ADGRL3: variants seen among roughly 807,000 people sequenced by gnomAD.
ADGRL3 encodes the protein calcium-independent alpha-latrotoxin receptor 3.
A neutral mutation model predicts 153.5 loss-of-function variants in ADGRL3; 62 were observed. The observed-to-expected ratio is 0.40, with a 90% CI of 0.33 to 0.50. The LOEUF is 0.50. Ranked by LOEUF, ADGRL3 falls within the 20% of genes least tolerant of loss-of-function variation. ADGRL3 has a pLI of 0.47. For synonymous variants in ADGRL3, 710 were observed against 672.5 expected (o/e 1.06, Z -0.86); for missense variants, 1,641 against 1,859.4 (o/e 0.88, Z 2.16).
chr4:61,287,700 G>A (rs2093994728), intron 1 of ADGRL3, among the ~76,000 whole-genome samples: 1 of 151,990 alleles, frequency 6.6e-6, no homozygotes, highest in East Asian at 1.9e-4. Context: ...TATTGGGTCT[G>A]ACTGGCTTGA....
chr4:61,645,917 G>A (rs572676175), intron 5 of ADGRL3, among the ~76,000 whole-genome samples: 3 of 152,222 alleles, frequency 2.0e-5, no homozygotes, highest in African/African-American at 7.2e-5. Flanking sequence ...TCACTTTCAG[G>A]TACACCAATC....
intron 11 of ADGRL3, among the ~76,000 whole-genome samples, chr4:61,903,228 C>T (rs1482196898): frequency 6.6e-6 from 1 of 152,112 alleles, no homozygotes; most frequent in East Asian, 1.9e-4. Context: ...CTCAATAGCA[C>T]CCATTAGTAT....
At position 61,694,179 on chromosome 4, in the gene ADGRL3, ATTTTTTT is replaced by A. The variant is rs554084495; in HGVS notation, c.583+17278_583+17284del. 7.8e-3 allele frequency among the ~76,000 whole-genome samples: 208 copies of A among 26,674 alleles called. 3 individuals carry two copies. Among genetic ancestry groups the A allele is most frequent in the East Asian group, 0.071 (36 of 506 alleles). 17.5% of individuals were successfully genotyped at this position (26,674 alleles called of 152,430 possible). On this transcript the variant is annotated intron_variant, in intron 6 of 26. Transcript: ENST00000683033. ...TATACTATTTTAAAATTTTGTCATT[ATTTTTTT>A]TTTTTTTTTTTTTTTTTTTTTTTTT...
chr4:61,776,003 C>T (rs532113770), intron 8 of ADGRL3, among the ~76,000 whole-genome samples: 20 of 152,228 alleles, frequency 1.3e-4, no homozygotes, highest in Admixed American at 1.2e-3. Flanking sequence ...AGGGTTCATG[C>T]CATTCTCCTG....
intron 1 of ADGRL3, among the ~76,000 whole-genome samples, chr4:61,230,345 G>C (rs1298260622): frequency 2.6e-5 from 4 of 152,144 alleles, no homozygotes; most frequent in African/African-American, 9.7e-5. Flanking sequence ...AGATGAAACA[G>C]TGCTTAGTAG....
At chr4:61,995,253 CT>C (rs2099117796) in intron 19 of ADGRL3, among the ~76,000 whole-genome samples, 1 of 151,782 alleles carries the variant, frequency 6.6e-6, no homozygotes, top group African/African-American at 2.4e-5. Flanking sequence ...CTACTTCCTC[CT>C]TTTTAACTGT....
At chr4:61,748,444 A>AC (rs1298309580) in intron 8 of ADGRL3, among the ~76,000 whole-genome samples, 14 of 151,480 alleles carry the variant, frequency 9.2e-5, no homozygotes, top group African/African-American at 3.4e-4. Context: ...GCATCACGCT[A>AC]CCTGACTTCA....
intron 6 of ADGRL3, among the ~76,000 whole-genome samples, chr4:61,700,341 A>G (rs2095732430): frequency 6.6e-6 from 1 of 152,188 alleles, no homozygotes; most frequent in African/African-American, 2.4e-5. Flanking sequence ...AGGAAACACA[A>G]GTAGGTTTTA....
intron 17 of ADGRL3, among the ~76,000 whole-genome samples, chr4:61,974,487 A>G (rs973577278): frequency 2.0e-5 from 3 of 152,138 alleles, no homozygotes; most frequent in Admixed American, 6.6e-5. Flanking sequence ...GAAAATTGCT[A>G]TTGAGCATGA....
chr4:61,446,069 C>A (rs1277408062), intron 2 of ADGRL3, among the ~76,000 whole-genome samples: 1 of 152,060 alleles, frequency 6.6e-6, no homozygotes, highest in African/African-American at 2.4e-5. Context: ...TATGTGGTGT[C>A]GGCACAATGA....
intron 1 of ADGRL3, among the ~76,000 whole-genome samples, chr4:61,293,005 C>G (rs1002957107): frequency 3.9e-5 from 6 of 152,124 alleles, no homozygotes; most frequent in Non-Finnish European, 7.4e-5. Context: ...TCAGGTTAAT[C>G]GTCGTCTTTG....
At chr4:61,924,387 T>C (rs1307552045) in intron 13 of ADGRL3, among the ~76,000 whole-genome samples, 1 of 152,200 alleles carries the variant, frequency 6.6e-6, no homozygotes, top group East Asian at 1.9e-4. Flanking sequence ...GGTGATCTCA[T>C]TGATTTAAAT....
Position 61,555,481 on chromosome 4 carries a change from A to G in ADGRL3, c.260-31746A>G, listed in dbSNP as rs113467343. Among the ~76,000 whole-genome samples the G allele has an allele frequency of 1.9e-3, 282 of 152,290 alleles. 1 individual carries two copies. Among genetic ancestry groups the G allele is most frequent in the African/African-American group, 6.6e-3 (276 of 41,562 alleles). ...TTCTGTTTCAGTAAATATTAAATGA[A>G]TGCACACTATGCTCTCAGAGCTGTT... On this transcript the variant is annotated intron_variant, in intron 4 of 26. Coordinates refer to ENST00000683033, the MANE Select transcript of ADGRL3 (RefSeq NM_001387552.1).
At chr4:61,352,602 C>G (rs2096072437) in intron 1 of ADGRL3, among the ~76,000 whole-genome samples, 1 of 152,086 alleles carries the variant, frequency 6.6e-6, no homozygotes, top group Admixed American at 6.5e-5. Flanking sequence ...CCAGGCTGGT[C>G]TTGCACGCCT....
At chr4:62,047,072 A>G (rs1731510820) in intron 25 of ADGRL3, among the ~76,000 whole-genome samples, 1 of 152,000 alleles carries the variant, frequency 6.6e-6, no homozygotes, top group South Asian at 2.1e-4. Context: ...ATTCTCTATT[A>G]CTAAAATAAA....
chr4:62,026,055 T>C (rs1365267264), intron 21 of ADGRL3, among the ~76,000 whole-genome samples: 4 of 152,128 alleles, frequency 2.6e-5, no homozygotes, highest in African/African-American at 9.7e-5. Context: ...TACTGACATA[T>C]CCTAGGTAAT....
At chr4:61,745,485 A>G (rs1348388870) in intron 8 of ADGRL3, among the ~76,000 whole-genome samples, 3 of 152,208 alleles carry the variant, frequency 2.0e-5, no homozygotes, top group Non-Finnish European at 4.4e-5. Context: ...CACAAAGGGA[A>G]GCCCATCAGA....
intron 9 of ADGRL3, among the ~76,000 whole-genome samples, chr4:61,874,857 G>A (rs921657429): frequency 7.7e-5 from 10 of 129,274 alleles, no homozygotes; most frequent in Admixed American, 1.9e-4. Flanking sequence ...GCCGGACTGC[G>A]GACTGCAGTG....
At position 61,983,373 on chromosome 4, in the gene ADGRL3, C is replaced by G; in HGVS notation, c.3016-10C>G. 1.2e-6 allele frequency: 2 copies of G among 1,610,092 alleles called. No homozygotes were observed. The highest frequency in any genetic ancestry group is 1.7e-6 in the Non-Finnish European group (2 of 1,177,020). On this transcript the variant is annotated splice_polypyrimidine_tract_variant and intron_variant, in intron 18 of 26. Transcript: ENST00000683033. Reference sequence around the variant, plus strand: ...AGAGATTTGACTAAATCATTTGTTCCTTTTCCTAGATTGCCTGTGCTGTTT... The same window carrying G: ...AGAGATTTGACTAAATCATTTGTTCGTTTTCCTAGATTGCCTGTGCTGTTT...
Sources: gnomAD v4.1 joint callset for allele counts (sites outside exome capture counted in the v4.1 genomes callset) on GRCh38, gnomAD v4.1.1 for gene constraint, MANE v1.5 for transcripts, NCBI Gene and HGNC (gene_info 2026-07-23, HGNC 2026-07-21) for gene names.